Variants in ANO3 observed in about 807,000 individuals in gnomAD.
ANO3 encodes the protein anoctamin-3.
A neutral mutation model predicts 144.8 loss-of-function variants in ANO3; 99 were observed. That is an observed-to-expected ratio of 0.68 (90% CI 0.58 to 0.81). ANO3 has a LOEUF of 0.81. Ranked by LOEUF, ANO3 falls within the 30% of genes least tolerant of loss-of-function variation. The pLI is 0.00. For synonymous variants in ANO3, 414 were observed against 392.6 expected (o/e 1.05, Z -0.64); for missense variants, 905 against 1,202.2 (o/e 0.75, Z 3.66).
At chr11:26,604,377 A>C (rs1851880882) in intron 17 of ANO3, among the ~76,000 whole-genome samples, 1 of 151,906 alleles carries the variant, frequency 6.6e-6, no homozygotes, top group Non-Finnish European at 1.5e-5. Flanking sequence ...TTTGTTTAGG[A>C]TTGTCTTGGC....
At chr11:26,578,976 A>G (rs1851061589) in intron 14 of ANO3, among the ~76,000 whole-genome samples, 2 of 152,218 alleles carry the variant, frequency 1.3e-5, no homozygotes, top group Non-Finnish European at 2.9e-5. Flanking sequence ...TTATTCTTTT[A>G]AAACCCTAAT....
At chr11:26,355,027 C>T (rs1016841400) in intron 1 of ANO3, among the ~76,000 whole-genome samples, 35 of 149,314 alleles carry the variant, frequency 2.3e-4, no homozygotes, top group Middle Eastern at 6.9e-3. Context: ...TTTTTTCTCC[C>T]TCTGAAGATG....
rs558072290 is a variant in ANO3, at chr11:26,514,990, G to C, written c.592-1837G>C. Among the ~76,000 whole-genome samples, 35 of 151,928 alleles carry C rather than the reference G, an allele frequency of 2.3e-4. No homozygotes were observed. The East Asian group carries it at 3.5e-3, about 15-fold the overall frequency. ...CTGGGTGATATATTTTTAAACAAAT[G>C]GTTATTTGAATGAATCAATAGTCAC... On this transcript the variant is annotated intron_variant, in intron 5 of 26. Coordinates refer to ENST00000256737, the MANE Select transcript of ANO3 (RefSeq NM_031418.4).
intron 1 of ANO3, among the ~76,000 whole-genome samples, chr11:26,194,197 T>G (rs1319219722): frequency 6.6e-6 from 1 of 152,110 alleles, no homozygotes; most frequent in Non-Finnish European, 1.5e-5. Context: ...GGCTCACAAT[T>G]TATATGAGGC....
chr11:26,527,941 G>C (rs942486676), intron 7 of ANO3, among the ~76,000 whole-genome samples: 1 of 152,164 alleles, frequency 6.6e-6, no homozygotes, highest in Non-Finnish European at 1.5e-5. Context: ...GGCAGAGTTT[G>C]TGCTTCAGTC....
At chr11:26,388,020 AT>A (rs77486123) in intron 1 of ANO3, among the ~76,000 whole-genome samples, 40,102 of 150,812 alleles carry the variant, frequency 0.27, 5,992 homozygotes, top group African/African-American at 0.41. Flanking sequence ...TTCTTCTTTA[AT>A]TTTTTTATGG....
intron 1 of ANO3, among the ~76,000 whole-genome samples, chr11:26,194,101 T>G (rs987981257): frequency 6.6e-6 from 1 of 152,086 alleles, no homozygotes; most frequent in East Asian, 1.9e-4. Context: ...ATCTAGCATA[T>G]GCTAACTATT....
intron 1 of ANO3, among the ~76,000 whole-genome samples, chr11:26,324,105 A>G (rs1397464622): frequency 1.3e-5 from 2 of 152,244 alleles, no homozygotes; most frequent in Non-Finnish European, 2.9e-5. Context: ...CTCAAAAACA[A>G]TTGGAGGCAA....
At chr11:26,494,202 A>T in intron 4 of ANO3, among the ~76,000 whole-genome samples, 1 of 150,886 alleles carries the variant, frequency 6.6e-6, no homozygotes, top group Admixed American at 6.6e-5. Context: ...ATACATTTAC[A>T]TATATAAATA....
chr11:26,211,568 C>T (rs1851933495), intron 1 of ANO3, among the ~76,000 whole-genome samples: 2 of 152,084 alleles, frequency 1.3e-5, no homozygotes, highest in East Asian at 1.9e-4. Flanking sequence ...ACAACAGATG[C>T]TGGAGCGGAT....
At chr11:26,271,928 A>G (rs1358474329) in intron 1 of ANO3, among the ~76,000 whole-genome samples, 1 of 152,202 alleles carries the variant, frequency 6.6e-6, no homozygotes, top group African/African-American at 2.4e-5. Context: ...AGAAAGGGCT[A>G]GCAGCAATGT....
intron 1 of ANO3, among the ~76,000 whole-genome samples, chr11:26,272,235 C>A (rs1853454866): frequency 6.6e-6 from 1 of 151,594 alleles, no homozygotes; most frequent in South Asian, 2.1e-4. Context: ...AGAAGAGCAC[C>A]GAGAAGCAGA....
In ANO3 at chr11:26,352,151, C is replaced by T. The variant is rs560079283; in HGVS notation, c.46+19830C>T. Among the ~76,000 whole-genome samples the T allele has an allele frequency of 3.7e-3, 556 of 152,262 alleles. 10 individuals carry two copies. In the South Asian group the frequency reaches 0.054, roughly 15 times the overall value. Reference sequence around the variant, plus strand: ...AATAAATTTTCATTAGTAACTGGGTCTAGAGGCATAGCAGACTGAACAAAC... The same window carrying T: ...AATAAATTTTCATTAGTAACTGGGTTTAGAGGCATAGCAGACTGAACAAAC... On this transcript the variant is annotated intron_variant, in intron 1 of 26. Coordinates refer to ENST00000256737, the MANE Select transcript of ANO3 (RefSeq NM_031418.4).
intron 1 of ANO3, among the ~76,000 whole-genome samples, chr11:26,311,174 T>C (rs1303904061): frequency 6.6e-6 from 1 of 152,222 alleles, no homozygotes; most frequent in Non-Finnish European, 1.5e-5. Flanking sequence ...GAAATTGGTA[T>C]TTATGAAATT....
At chr11:26,618,337 G>T (rs1852319095) in intron 17 of ANO3, among the ~76,000 whole-genome samples, 1 of 151,858 alleles carries the variant, frequency 6.6e-6, no homozygotes. Flanking sequence ...ACTAACTGTT[G>T]TGAATTTTGC....
At chr11:26,574,616 A>T (rs192261348) in intron 14 of ANO3, among the ~76,000 whole-genome samples, 9 of 152,312 alleles carry the variant, frequency 5.9e-5, no homozygotes, top group African/African-American at 2.2e-4. Context: ...TTTATAAATA[A>T]AATAGAATTT....
intron 3 of ANO3, among the ~76,000 whole-genome samples, chr11:26,456,579 G>A (rs1859168995): frequency 7.6e-6 from 1 of 131,582 alleles, no homozygotes; most frequent in Non-Finnish European, 1.6e-5. Context: ...GAAACAACAG[G>A]TGCTGGAGAG....
intron 1 of ANO3, among the ~76,000 whole-genome samples, chr11:26,371,837 T>C (rs997830504): frequency 6.6e-6 from 1 of 152,220 alleles, no homozygotes; most frequent in African/African-American, 2.4e-5. Flanking sequence ...CCTCTACCCC[T>C]GTTGTATCTA....
At chr11:26,213,083 C>A (rs149022795) in intron 1 of ANO3, among the ~76,000 whole-genome samples, 3 of 152,064 alleles carry the variant, frequency 2.0e-5, no homozygotes, top group Admixed American at 6.6e-5. Context: ...ATTTAACACC[C>A]CTTCATGTTA....
Sources: allele counts gnomAD v4.1 joint callset (sites outside exome capture counted in the v4.1 genomes callset), GRCh38; gene constraint gnomAD v4.1.1; transcripts MANE v1.5; gene names NCBI Gene and HGNC (gene_info 2026-07-23, HGNC 2026-07-21).